The following RUNX2 variants were observed in gnomAD, a reference collection of about 807,000 sequenced individuals.
The protein encoded by RUNX2 is runt-related transcription factor 2.
A neutral mutation model predicts 51.7 loss-of-function variants in RUNX2; 10 were observed. The observed-to-expected ratio is 0.19, with a 90% CI of 0.12 to 0.33. The LOEUF is 0.33. RUNX2 is among the 10% of genes least tolerant of loss of function. The probability of loss-of-function intolerance (pLI) is 1.00; values close to 1 mark genes in which losing one functional copy is unlikely to be tolerated. For synonymous variants in RUNX2, 276 were observed against 273.6 expected, an observed-to-expected ratio of 1.01 and a Z score of -0.09; for missense variants, 562 against 691.3, an observed-to-expected ratio of 0.81 and a Z score of 2.10.
chr6:45,441,744 C>T (rs1172950435), intron 5 of RUNX2, among the ~76,000 whole-genome samples: 1 of 152,128 alleles, frequency 6.6e-6, no homozygotes, highest in East Asian at 1.9e-4. Flanking sequence ...TATGCCTGAG[C>T]AGATATTCAT....
At chr6:45,362,234 A>C (rs916908644) in intron 2 of RUNX2, among the ~76,000 whole-genome samples, 1 of 152,226 alleles carries the variant, frequency 6.6e-6, no homozygotes, top group African/African-American at 2.4e-5. Context: ...CAACTAGACA[A>C]CTTTCAGTGA....
At chr6:45,463,439 C>T (rs1799532253) in intron 5 of RUNX2, among the ~76,000 whole-genome samples, 1 of 152,184 alleles carries the variant, frequency 6.6e-6, no homozygotes, top group African/African-American at 2.4e-5. Context: ...TATTCCAAAA[C>T]AAGGAGATAT....
chr6:45,456,054 T>C (rs531254738), intron 5 of RUNX2, among the ~76,000 whole-genome samples: 1 of 152,318 alleles, frequency 6.6e-6, no homozygotes, highest in African/African-American at 2.4e-5. Context: ...GAAATAACAT[T>C]TACTTAATTT....
intron 5 of RUNX2, among the ~76,000 whole-genome samples, chr6:45,449,653 G>A (rs1489194936): frequency 2.6e-5 from 4 of 152,174 alleles, no homozygotes; most frequent in East Asian, 3.9e-4. Flanking sequence ...CAGTAGCATC[G>A]CTGAATAGTA....
chr6:45,348,905 T>C (rs1791470331), intron 2 of RUNX2, among the ~76,000 whole-genome samples: 1 of 152,184 alleles, frequency 6.6e-6, no homozygotes, highest in African/African-American at 2.4e-5. Context: ...TAGTATCCTG[T>C]ACATTTTCCT....
intron 2 of RUNX2, among the ~76,000 whole-genome samples, chr6:45,420,457 A>AT (rs1409723944): frequency 2.6e-5 from 4 of 152,190 alleles, no homozygotes; most frequent in Non-Finnish European, 5.9e-5. Flanking sequence ...ACACCCAGTA[A>AT]TGGGTATGTG....
chr6:45,463,123 A>C (rs1309004034), intron 5 of RUNX2, among the ~76,000 whole-genome samples: 1 of 152,182 alleles, frequency 6.6e-6, no homozygotes, highest in Non-Finnish European at 1.5e-5. Context: ...GACTTTTAAA[A>C]AGAAGGAGTC....
chr6:45,522,243 A>G (rs368653318), intron 7 of RUNX2, among the ~76,000 whole-genome samples: 2 of 152,238 alleles, frequency 1.3e-5, no homozygotes, highest in Admixed American at 1.3e-4. Flanking sequence ...TCTGCCTTCA[A>G]GAAGCTTTCA....
chr6:45,365,291 G>GT (rs760511086), intron 2 of RUNX2: 3 of 1,605,524 alleles, frequency 1.9e-6, no homozygotes, highest in East Asian at 2.2e-5. Context: ...ACTAGCTGCC[G>GT]TATTATTCAT....
At chr6:45,342,534 C>T (rs1327113638) in intron 2 of RUNX2, among the ~76,000 whole-genome samples, 1 of 152,138 alleles carries the variant, frequency 6.6e-6, no homozygotes, top group Non-Finnish European at 1.5e-5. Flanking sequence ...GCTGCGATTA[C>T]ACGCATAAGC....
chr6:45,392,620 G>C (rs1236589445), intron 2 of RUNX2, among the ~76,000 whole-genome samples: 1 of 152,050 alleles, frequency 6.6e-6, no homozygotes, highest in Non-Finnish European at 1.5e-5. Context: ...ACTTTGGGTG[G>C]GGAGGGTCAG....
At chr6:45,512,207 G>C in intron 6 of RUNX2, 39 bp from the exon 7 acceptor site, 1 of 1,606,156 alleles carries the variant, frequency 6.2e-7, no homozygotes, top group Non-Finnish European at 8.5e-7. Flanking sequence ...AGGCTGCAAT[G>C]GTTGCTATAC....
intron 2 of RUNX2, among the ~76,000 whole-genome samples, chr6:45,403,235 T>C (rs1309311077): frequency 3.0e-5 from 4 of 133,746 alleles, no homozygotes; most frequent in African/African-American, 9.5e-5. Flanking sequence ...GTTTCTTTTT[T>C]TTTTTTTTTT....
At chr6:45,477,149 G>A (rs1019466346) in intron 5 of RUNX2, among the ~76,000 whole-genome samples, 1 of 152,156 alleles carries the variant, frequency 6.6e-6, no homozygotes, top group Non-Finnish European at 1.5e-5. Flanking sequence ...CACTGCATGG[G>A]TTGTCTCCGC....
At chr6:45,525,152 G>T (rs964592307) in intron 7 of RUNX2, among the ~76,000 whole-genome samples, 1 of 152,130 alleles carries the variant, frequency 6.6e-6, no homozygotes, top group African/African-American at 2.4e-5. Context: ...TTCCAAAAAG[G>T]AAAGAGTTTG....
intron 2 of RUNX2, chr6:45,422,047 G>C (rs1244367328): frequency 1.4e-5 from 2 of 147,722 alleles, no homozygotes; most frequent in Non-Finnish European, 3.0e-5. Context: ...CGGAGGCGGC[G>C]GCGCGGGAGG....
At chr6:45,496,386 C>T (rs1384203196) in intron 6 of RUNX2, among the ~76,000 whole-genome samples, 1 of 152,168 alleles carries the variant, frequency 6.6e-6, no homozygotes, top group Non-Finnish European at 1.5e-5. Context: ...GACACAGCTT[C>T]TGCTCACAAG....
At chr6:45,456,265 G>A (rs1259765383) in intron 5 of RUNX2, among the ~76,000 whole-genome samples, 2 of 151,780 alleles carry the variant, frequency 1.3e-5, no homozygotes, top group Admixed American at 6.6e-5. Context: ...ATACATTTTT[G>A]CATTTTCTAA....
chr6:45,410,889 C>T (rs1218375907), intron 2 of RUNX2, among the ~76,000 whole-genome samples: 1 of 152,180 alleles, frequency 6.6e-6, no homozygotes, highest in Non-Finnish European at 1.5e-5. Flanking sequence ...AACCACTGGA[C>T]ATGTTAGTCT....
Sources: allele counts gnomAD v4.1 joint callset (sites outside exome capture counted in the v4.1 genomes callset), GRCh38; gene constraint gnomAD v4.1.1; transcripts MANE v1.5; gene names NCBI Gene and HGNC (gene_info 2026-07-23, HGNC 2026-07-21).